The following PDE4B variants were observed in gnomAD, a reference collection of about 807,000 sequenced individuals.
The protein encoded by PDE4B is 3',5'-cyclic-AMP phosphodiesterase 4B.
PDE4B carries 20 observed loss-of-function variants against 82.2 expected under a neutral mutation model. That is an observed-to-expected ratio of 0.24 (90% CI 0.17 to 0.35). The LOEUF (loss-of-function observed/expected upper bound fraction) is 0.35. Among genes scored for constraint, PDE4B ranks in the 10% least tolerant of loss-of-function variants. The probability of loss-of-function intolerance (pLI) is 1.00; values close to 1 mark genes in which losing one functional copy is unlikely to be tolerated. For missense variants in PDE4B, 655 were observed against 907.2 expected, an observed-to-expected ratio of 0.72 and a Z score of 3.57; for synonymous variants, 320 against 318.9, an observed-to-expected ratio of 1.00 and a Z score of -0.04.
chr1:65,858,532 A>G (rs1646418767), intron 1 of PDE4B, among the ~76,000 whole-genome samples: 1 of 152,222 alleles, frequency 6.6e-6, no homozygotes, highest in Non-Finnish European at 1.5e-5. Flanking sequence ...GAAATATTTC[A>G]TCATCTTGGA....
chr1:65,908,542 A>G (rs1176031708), intron 1 of PDE4B, among the ~76,000 whole-genome samples: 2 of 152,204 alleles, frequency 1.3e-5, no homozygotes, highest in Admixed American at 6.6e-5. Flanking sequence ...AGGTGTATCT[A>G]TACATTTAGT....
intron 3 of PDE4B, among the ~76,000 whole-genome samples, chr1:66,024,426 G>T (rs187410025): frequency 1.7e-4 from 26 of 152,176 alleles, no homozygotes; most frequent in African/African-American, 6.3e-4. Flanking sequence ...GATATGGAAA[G>T]CTTGCTACCC....
chr1:66,370,044 G>A (rs763056211), intron 16 of PDE4B, among the ~76,000 whole-genome samples: 13 of 151,246 alleles, frequency 8.6e-5, no homozygotes, highest in African/African-American at 1.7e-4. Context: ...CCAGCTACTC[G>A]GGAAGCTGAG....
chr1:66,203,261 C>G (rs1277728379), intron 3 of PDE4B, among the ~76,000 whole-genome samples: 2 of 152,118 alleles, frequency 1.3e-5, no homozygotes, highest in Non-Finnish European at 2.9e-5. Flanking sequence ...CCTGACCTTT[C>G]TCTCTGGCTG....
At chr1:65,862,732 G>A (rs1191748329) in intron 1 of PDE4B, among the ~76,000 whole-genome samples, 1 of 152,138 alleles carries the variant, frequency 6.6e-6, no homozygotes, top group African/African-American at 2.4e-5. Flanking sequence ...TTCAGAGCTT[G>A]TTATTGGTCT....
At chr1:66,071,487 A>G (rs917414003) in intron 3 of PDE4B, among the ~76,000 whole-genome samples, 1 of 152,132 alleles carries the variant, frequency 6.6e-6, no homozygotes, top group Non-Finnish European at 1.5e-5. Context: ...ATATATTCTG[A>G]AATGATTTCT....
At chr1:65,954,124 T>C (rs1341070779) in intron 3 of PDE4B, among the ~76,000 whole-genome samples, 2 of 152,250 alleles carry the variant, frequency 1.3e-5, no homozygotes, top group African/African-American at 4.8e-5. Context: ...CTCGAACTCC[T>C]GACCTCAAAT....
chr1:65,982,330 TC>T (rs1650731354), intron 3 of PDE4B, among the ~76,000 whole-genome samples: 1 of 152,186 alleles, frequency 6.6e-6, no homozygotes, highest in Non-Finnish European at 1.5e-5. Context: ...CGCAAACACA[TC>T]CTGGTTTCTC....
At chr1:65,878,565 G>A (rs1255977064) in intron 1 of PDE4B, among the ~76,000 whole-genome samples, 1 of 152,220 alleles carries the variant, frequency 6.6e-6, no homozygotes, top group Non-Finnish European at 1.5e-5. Context: ...AAAAGGATGA[G>A]TTCATGTCCT....
intron 3 of PDE4B, among the ~76,000 whole-genome samples, chr1:66,027,563 A>G (rs996308625): frequency 6.6e-6 from 1 of 152,130 alleles, no homozygotes; most frequent in Non-Finnish European, 1.5e-5. Context: ...ATTAACCCAA[A>G]AATCCACAGT....
intron 3 of PDE4B, among the ~76,000 whole-genome samples, chr1:65,927,144 TATAGG>T (rs2100503996): frequency 9.5e-6 from 1 of 104,720 alleles, no homozygotes; most frequent in Non-Finnish European, 2.1e-5. Context: ...AGAAAAATGA[TATAGG>T]GCACAGATCT....
At chr1:66,070,953 G>T (rs1278495861) in intron 3 of PDE4B, among the ~76,000 whole-genome samples, 2 of 151,762 alleles carry the variant, frequency 1.3e-5, no homozygotes, top group South Asian at 2.1e-4. Flanking sequence ...TTAAAATATG[G>T]CATTTAATAT....
chr1:66,056,179 A>G (rs1655281729), intron 3 of PDE4B, among the ~76,000 whole-genome samples: 1 of 152,222 alleles, frequency 6.6e-6, no homozygotes, highest in African/African-American at 2.4e-5. Flanking sequence ...AATAGCTGGG[A>G]AAAATAGATG....
intron 3 of PDE4B, among the ~76,000 whole-genome samples, chr1:66,021,385 C>T (rs1340940280): frequency 3.3e-5 from 5 of 152,106 alleles, no homozygotes; most frequent in Non-Finnish European, 7.4e-5. Context: ...TCATGAAGTC[C>T]TTGCCCATGC....
intron 3 of PDE4B, among the ~76,000 whole-genome samples, chr1:66,012,266 T>C (rs906593077): frequency 4.1e-4 from 62 of 152,146 alleles, no homozygotes; most frequent in African/African-American, 1.5e-3. Context: ...ATTGGGATTT[T>C]CACTTTTAAC....
At chr1:65,818,491 C>A (rs1273039895) in intron 1 of PDE4B, among the ~76,000 whole-genome samples, 1 of 151,740 alleles carries the variant, frequency 6.6e-6, no homozygotes, top group Non-Finnish European at 1.5e-5. Flanking sequence ...TAATCTATTC[C>A]TTTCTTGTGT....
At chr1:66,253,863 T>C (rs1487872437) in intron 4 of PDE4B, among the ~76,000 whole-genome samples, 2 of 152,226 alleles carry the variant, frequency 1.3e-5, no homozygotes, top group African/African-American at 4.8e-5. Flanking sequence ...TGGGCATCTG[T>C]AAAATCCATT....
Position 66,135,754 on chromosome 1 carries a change from G to A in PDE4B, c.282-111706G>A, listed in dbSNP as rs146173252. ...TATACTTAATAAGTACAGCTTGAGA[G>A]ACTGCAACCATAGAAGTCTCGTGGT... On this transcript the variant is annotated intron_variant, in intron 3 of 16. Transcript: ENST00000341517. Among the ~76,000 whole-genome samples the A allele has an allele frequency of 1.7e-3, 260 of 152,264 alleles. 1 individual carries two copies. Among genetic ancestry groups the A allele is most frequent in the African/African-American group, 5.9e-3 (246 of 41,550 alleles).
chr1:65,966,492 A>C (rs111392358), intron 3 of PDE4B, among the ~76,000 whole-genome samples: 36,677 of 152,128 alleles, frequency 0.24, 5,247 homozygotes, highest in East Asian at 0.45. Flanking sequence ...TTACAGATTC[A>C]ATGCTATTCC....
Sources: gnomAD v4.1 joint callset for allele counts (sites outside exome capture counted in the v4.1 genomes callset) on GRCh38, gnomAD v4.1.1 for gene constraint, MANE v1.5 for transcripts, NCBI Gene and HGNC (gene_info 2026-07-23, HGNC 2026-07-21) for gene names.